SCNN1B: variants seen among roughly 807,000 people sequenced by gnomAD.
The protein encoded by SCNN1B is epithelial sodium channel subunit beta.
In SCNN1B, 46 loss-of-function variants were observed where a neutral mutation model predicts 65.3. That is an observed-to-expected ratio of 0.70 (90% CI 0.56 to 0.90). The LOEUF (loss-of-function observed/expected upper bound fraction) is 0.90. Among genes scored for constraint, SCNN1B ranks in the 40% least tolerant of loss-of-function variants. SCNN1B has a pLI of 0.00. For missense variants in SCNN1B, 751 were observed against 830.5 expected (o/e 0.90, Z 1.18); for synonymous variants, 349 against 330.6 (o/e 1.06, Z -0.60).
Position 23,351,874 on chromosome 16 carries a change from C to G in SCNN1B, c.312-927C>G, listed in dbSNP as rs184914913. Among the ~76,000 whole-genome samples, 172 of 151,150 alleles carry G rather than the reference C, an allele frequency of 1.1e-3. 2 individuals carry two copies. Among genetic ancestry groups the G allele is most frequent in the Admixed American group, 5.7e-3 (87 of 15,272 alleles). Reference sequence around the variant, plus strand: ...GCTCCTGTTCCCAAAGTTGCTCCCCCCTGGGAGGGAGATCTCAGAACCCCC... The same window carrying G: ...GCTCCTGTTCCCAAAGTTGCTCCCCGCTGGGAGGGAGATCTCAGAACCCCC... On this transcript the variant is annotated intron_variant, in intron 2 of 12. Transcript: ENST00000343070.
rs368354098 is a variant in SCNN1B, at chr16:23,287,568, T to C, written n.178+3764T>C. ...CACTACAAACAGTAAAAAATAATAC[T>C]ACAAAAATTAGCCAGCCATGATAGC... On this transcript the variant is annotated intron_variant and non_coding_transcript_variant, in intron 2 of 3. Coordinates refer to the SCNN1B transcript ENST00000569789. Among the ~76,000 whole-genome samples, 237 of 151,870 alleles carry C rather than the reference T, an allele frequency of 1.6e-3. 1 individual carries two copies. Among genetic ancestry groups the C allele is most frequent in the African/African-American group, 5.3e-3 (221 of 41,430 alleles).
intron 2 of SCNN1B, among the ~76,000 whole-genome samples, chr16:23,285,492 A>T (rs1164881325): frequency 6.6e-6 from 1 of 152,126 alleles, no homozygotes; most frequent in Non-Finnish European, 1.5e-5. Context: ...TGTTTTAAAA[A>T]ATAATAAATG....
Position 23,371,478 on chromosome 16 carries a change from A to C in SCNN1B, c.1044+16A>C. On this transcript the variant is annotated intron_variant, in intron 6 of 12. Transcript: ENST00000343070. ...GGTACTCGTGGTATGGCCGGAGCCC[A>C]AGGGCAGTCCTAGAGGGTCTGAGGG... 6.2e-7 allele frequency: 1 copy of C among 1,612,814 alleles called. No homozygotes were observed. The highest frequency in any genetic ancestry group is 8.5e-7 in the Non-Finnish European group (1 of 1,179,756).
chr16:23,379,906 G>A (rs1270582524), intron 11 of SCNN1B, among the ~76,000 whole-genome samples, 188 bp from the exon 12 acceptor site: 2 of 152,222 alleles, frequency 1.3e-5, no homozygotes, highest in Non-Finnish European at 2.9e-5. Flanking sequence ...GGACAGAGGA[G>A]GGCTGGGGCG....
At chr16:23,292,670 AT>A in intron 2 of SCNN1B, among the ~76,000 whole-genome samples, 1 of 149,850 alleles carries the variant, frequency 6.7e-6, no homozygotes, top group Middle Eastern at 3.6e-3. Flanking sequence ...TGCCTGGCTA[AT>A]TTTTTGATTT....
chr16:23,336,859 A>C (rs940414552), intron 1 of SCNN1B, among the ~76,000 whole-genome samples: 13 of 152,156 alleles, frequency 8.5e-5, no homozygotes, highest in African/African-American at 2.7e-4. Flanking sequence ...TAAAAAAATG[A>C]GATGATGTGG....
chr16:23,308,017 C>G (rs909521500), intron 1 of SCNN1B, among the ~76,000 whole-genome samples: 19 of 151,908 alleles, frequency 1.3e-4, no homozygotes, highest in African/African-American at 4.6e-4. Flanking sequence ...TGCACCCCAG[C>G]CTGGGCAACA....
intron 2 of SCNN1B, among the ~76,000 whole-genome samples, chr16:23,294,145 A>G (rs1174956434): frequency 2.0e-5 from 3 of 152,124 alleles, no homozygotes; most frequent in African/African-American, 4.8e-5. Context: ...GGGTCATTTG[A>G]GGCCAGGAGT....
intron 1 of SCNN1B, among the ~76,000 whole-genome samples, chr16:23,327,062 A>G (rs1380764220): frequency 1.3e-5 from 2 of 151,976 alleles, no homozygotes; most frequent in Non-Finnish European, 2.9e-5. Flanking sequence ...GACTACAGGC[A>G]TGCATCACTA....
At chr16:23,302,764 G>A (rs913224275) in intron 1 of SCNN1B, among the ~76,000 whole-genome samples, 20 of 152,180 alleles carry the variant, frequency 1.3e-4, no homozygotes, top group Non-Finnish European at 4.4e-5. Context: ...TGTTCAAGAG[G>A]TGACAACAAT....
At chr16:23,292,226 C>T (rs1960935877) in intron 2 of SCNN1B, among the ~76,000 whole-genome samples, 1 of 149,348 alleles carries the variant, frequency 6.7e-6, no homozygotes, top group Non-Finnish European at 1.5e-5. Flanking sequence ...CGGAGTCTCG[C>T]TCTGTCGCCC....
intron 2 of SCNN1B, among the ~76,000 whole-genome samples, chr16:23,294,304 C>G (rs768582816): frequency 6.6e-6 from 1 of 152,032 alleles, no homozygotes; most frequent in Admixed American, 6.5e-5. Context: ...GGCTGAGACA[C>G]GAGAATCACT....
intron 4 of SCNN1B, among the ~76,000 whole-genome samples, chr16:23,363,807 C>T (rs1381003319): frequency 6.7e-6 from 1 of 148,290 alleles, no homozygotes; most frequent in Non-Finnish European, 1.5e-5. Flanking sequence ...GAGTGACACC[C>T]TGTCTCTACC....
intron 1 of SCNN1B, among the ~76,000 whole-genome samples, chr16:23,324,011 A>G (rs1961641361): frequency 6.6e-6 from 1 of 152,070 alleles, no homozygotes; most frequent in Admixed American, 6.6e-5. Flanking sequence ...ATGCATTTTA[A>G]CCCTCACTGA....
chr16:23,371,640 G>C lies in SCNN1B; in HGVS notation c.1045-136G>C, dbSNP rs551755661. 7.0e-6 allele frequency: 7 copies of C among 998,766 alleles called. No homozygotes were observed. The African/African-American group carries it at 9.8e-5, about 14-fold the overall frequency. The allele number at this position is 998,766 out of a possible 1,614,324, so 61.9% of individuals were successfully genotyped here. ...GCTTTAGGGGAAGGTGAGCCCTCTG[G>C]CGCCCCCTCTGGCGCCCCCCCTGGC... On this transcript the variant is annotated intron_variant, in intron 6 of 12. Coordinates refer to ENST00000343070, the MANE Select transcript of SCNN1B (RefSeq NM_000336.3).
intron 1 of SCNN1B, among the ~76,000 whole-genome samples, chr16:23,319,310 C>T (rs1446019090): frequency 6.6e-6 from 1 of 152,012 alleles, no homozygotes; most frequent in African/African-American, 2.4e-5. Context: ...CCTCCCAAAG[C>T]GCTGGGAGTA....
At chr16:23,318,737 G>A (rs1235550122) in intron 1 of SCNN1B, among the ~76,000 whole-genome samples, 1 of 152,258 alleles carries the variant, frequency 6.6e-6, no homozygotes, top group Non-Finnish European at 1.5e-5. Flanking sequence ...AGTGCCTGCT[G>A]CACAGTAAAA....
rs140593898 is a variant in SCNN1B, at chr16:23,362,267, C to T, written c.777-5589C>T. 9.5e-4 allele frequency among the ~76,000 whole-genome samples: 144 copies of T among 151,434 alleles called. 1 individual carries two copies. Among genetic ancestry groups the T allele is most frequent in the African/African-American group, 3.2e-3 (133 of 41,238 alleles). On this transcript the variant is annotated intron_variant, in intron 4 of 12. Coordinates refer to ENST00000343070, the MANE Select transcript of SCNN1B (RefSeq NM_000336.3). Reference sequence around the variant, plus strand: ...GGCTGAGGCAGGAGAGTCACTTGAACCTGGGAGGCAGAGGTTGTATAGAGC... The same window carrying T: ...GGCTGAGGCAGGAGAGTCACTTGAATCTGGGAGGCAGAGGTTGTATAGAGC...
chr16:23,293,110 T>G, intron 2 of SCNN1B, among the ~76,000 whole-genome samples: 2 of 66,474 alleles, frequency 3.0e-5, no homozygotes, highest in East Asian at 4.8e-4. Context: ...GGGAGACTCA[T>G]TCTCAAAAAA....
Sources: gnomAD v4.1 joint callset for allele counts (sites outside exome capture counted in the v4.1 genomes callset) on GRCh38, gnomAD v4.1.1 for gene constraint, MANE v1.5 for transcripts, NCBI Gene and HGNC (gene_info 2026-07-23, HGNC 2026-07-21) for gene names.